The following CSMD1 variants were observed in gnomAD, a reference collection of about 807,000 sequenced individuals.
CSMD1 encodes the protein CUB and sushi domain-containing protein 1.
A neutral mutation model predicts 417.5 loss-of-function variants in CSMD1; 213 were observed. The observed-to-expected ratio is 0.51, with a 90% CI of 0.46 to 0.57. CSMD1 has a LOEUF of 0.57. Among genes scored for constraint, CSMD1 ranks in the 20% least tolerant of loss-of-function variants. The pLI, the probability that CSMD1 is intolerant of heterozygous loss-of-function variation, is 0.00. For missense variants in CSMD1, 6,923 were observed against 4,529.7 expected (o/e 1.53, Z -15.17); for synonymous variants, 2,862 against 1,736.8 (o/e 1.65, Z -16.11).
At chr8:4,120,696 T>C (rs771856959) in intron 3 of CSMD1, among the ~76,000 whole-genome samples, 2 of 152,196 alleles carry the variant, frequency 1.3e-5, no homozygotes, top group African/African-American at 2.4e-5. Context: ...AGATGCCAAA[T>C]ACATATTCAG....
chr8:4,842,063 A>G (rs1009403642), intron 1 of CSMD1, among the ~76,000 whole-genome samples: 1 of 152,090 alleles, frequency 6.6e-6, no homozygotes, highest in Non-Finnish European at 1.5e-5. Flanking sequence ...CAACATGTAA[A>G]TTTCCTGGAC....
At chr8:4,251,844 C>T (rs368492097) in intron 3 of CSMD1, among the ~76,000 whole-genome samples, 158 of 130,322 alleles carry the variant, frequency 1.2e-3, no homozygotes, top group African/African-American at 4.5e-3. Context: ...AGGAGAGATG[C>T]AGGAGGAGAG....
intron 1 of CSMD1, among the ~76,000 whole-genome samples, chr8:4,982,547 G>A (rs1810953759): frequency 2.0e-5 from 3 of 152,202 alleles, no homozygotes; most frequent in Admixed American, 6.5e-5. Flanking sequence ...TACAGTAAAT[G>A]ACACCACATC....
intron 1 of CSMD1, among the ~76,000 whole-genome samples, chr8:4,671,882 G>A (rs1221371604): frequency 6.6e-6 from 1 of 152,124 alleles, no homozygotes; most frequent in Admixed American, 6.6e-5. Context: ...AAAACGAGAA[G>A]ATAGAAACCC....
intron 5 of CSMD1, among the ~76,000 whole-genome samples, chr8:3,774,197 C>A (rs1232910021): frequency 6.6e-6 from 1 of 152,146 alleles, no homozygotes; most frequent in Non-Finnish European, 1.5e-5. Flanking sequence ...GACCCTTCAA[C>A]CTTATAATTT....
intron 3 of CSMD1, among the ~76,000 whole-genome samples, chr8:4,279,271 A>G (rs1286943628): frequency 1.3e-5 from 2 of 152,206 alleles, no homozygotes; most frequent in African/African-American, 4.8e-5. Flanking sequence ...AAACACTTAT[A>G]TTTAGTGTAA....
At chr8:3,659,258 T>C (rs1021728065) in intron 7 of CSMD1, among the ~76,000 whole-genome samples, 1 of 152,192 alleles carries the variant, frequency 6.6e-6, no homozygotes, top group Non-Finnish European at 1.5e-5. Context: ...GAGAACATGA[T>C]AACAAAGACT....
chr8:4,452,297 T>A (rs1053728558), intron 2 of CSMD1, among the ~76,000 whole-genome samples: 1 of 152,222 alleles, frequency 6.6e-6, no homozygotes, highest in Non-Finnish European at 1.5e-5. Context: ...TTAACAACTA[T>A]TTAGGTGAAT....
chr8:4,438,623 A>T (rs1327251846), intron 2 of CSMD1, among the ~76,000 whole-genome samples: 1 of 152,154 alleles, frequency 6.6e-6, no homozygotes, highest in East Asian at 1.9e-4. Context: ...ATTATTTTAT[A>T]CCTACATTAT....
intron 3 of CSMD1, among the ~76,000 whole-genome samples, chr8:4,383,962 C>G (rs761447895): frequency 1.3e-5 from 2 of 152,142 alleles, no homozygotes; most frequent in Admixed American, 6.5e-5. Context: ...GGAAACAGCT[C>G]TCTCAACAGC....
rs369988550 is a variant in CSMD1, at chr8:3,343,384, G to T, written c.3541C>A (p.Leu1181Met). 3.7e-6 allele frequency: 6 copies of T among 1,613,724 alleles called. No homozygotes were observed. The highest frequency in any genetic ancestry group is 5.1e-6 in the Non-Finnish European group (6 of 1,179,690). Residue 1181 changes from leucine to methionine, a missense_variant, in exon 23 of 70, where the codon CTG becomes ATG. Leu to Met is a conservative substitution (Grantham distance 15, BLOSUM62 2). Transcript: ENST00000635120. The stretch of plus-strand genomic sequence containing the variant: ...TGATTGGATGTGCTGTTTAGGATCA[G>T]CCCCAGAAGTTCATTTTTAGTGAAC... ...GTFTKNELLG[L>M]ILNSTSNHLW...
chr8:4,806,078 C>T (rs541472484), intron 1 of CSMD1, among the ~76,000 whole-genome samples: 1 of 152,202 alleles, frequency 6.6e-6, no homozygotes, highest in East Asian at 1.9e-4. Flanking sequence ...CATTTACAGA[C>T]CCACAATCTC....
At chr8:3,897,614 C>G (rs1427819406) in intron 5 of CSMD1, among the ~76,000 whole-genome samples, 1 of 151,786 alleles carries the variant, frequency 6.6e-6, no homozygotes, top group Non-Finnish European at 1.5e-5. Flanking sequence ...CCCTAAACTG[C>G]AACTCAAAAT....
intron 3 of CSMD1, among the ~76,000 whole-genome samples, chr8:4,260,043 A>T (rs1037017299): frequency 6.6e-6 from 1 of 150,882 alleles, no homozygotes; most frequent in Non-Finnish European, 1.5e-5. Context: ...TTTTTAACAC[A>T]TACTTGAAAG....
chr8:3,102,785 T>A (rs1453453034), intron 46 of CSMD1, among the ~76,000 whole-genome samples: 1 of 152,084 alleles, frequency 6.6e-6, no homozygotes, highest in Non-Finnish European at 1.5e-5. Flanking sequence ...TTAAAAGCTG[T>A]AAGAGCCAGC....
intron 12 of CSMD1, among the ~76,000 whole-genome samples, chr8:3,429,766 G>A (rs748145876): frequency 4.6e-5 from 7 of 152,118 alleles, no homozygotes; most frequent in Non-Finnish European, 1.0e-4. Flanking sequence ...GTCTATGGTT[G>A]TTGTTTTCTA....
chr8:3,246,612 C>G (rs562746758), intron 26 of CSMD1, among the ~76,000 whole-genome samples: 15 of 152,254 alleles, frequency 9.9e-5, no homozygotes, highest in African/African-American at 3.6e-4. Context: ...GCTGGGATTA[C>G]AGGCATGTGC....
At chr8:4,182,243 A>T (rs935929435) in intron 3 of CSMD1, among the ~76,000 whole-genome samples, 7 of 152,154 alleles carry the variant, frequency 4.6e-5, no homozygotes, top group African/African-American at 1.7e-4. Context: ...TAAGAAAAAA[A>T]CGGAATATAT....
intron 6 of CSMD1, among the ~76,000 whole-genome samples, chr8:3,738,307 G>A (rs2129049540): frequency 6.6e-6 from 1 of 152,300 alleles, no homozygotes; most frequent in South Asian, 2.1e-4. Flanking sequence ...ATATTTGTAT[G>A]TGTATTTTGC....
Sources: gnomAD v4.1 joint callset for allele counts (sites outside exome capture counted in the v4.1 genomes callset) on GRCh38, gnomAD v4.1.1 for gene constraint, MANE v1.5 for transcripts, NCBI Gene and HGNC (gene_info 2026-07-23, HGNC 2026-07-21) for gene names.